The following TAF1B variants were observed in gnomAD, a reference collection of about 807,000 sequenced individuals.
The protein encoded by TAF1B is TATA-box binding protein associated factor, RNA polymerase I subunit B.
A neutral mutation model predicts 83.9 loss-of-function variants in TAF1B; 61 were observed. That is an observed-to-expected ratio of 0.73 (90% CI 0.59 to 0.90). TAF1B has a LOEUF of 0.90. Among genes scored for constraint, TAF1B ranks in the 40% least tolerant of loss-of-function variants. TAF1B has a pLI of 0.00. For synonymous variants in TAF1B, 221 were observed against 224.6 expected (o/e 0.98, Z 0.14); for missense variants, 625 against 677.0 (o/e 0.92, Z 0.85).
intron 2 of TAF1B, among the ~76,000 whole-genome samples, chr2:9,848,366 A>G (rs1192768852): frequency 6.6e-6 from 1 of 152,178 alleles, no homozygotes; most frequent in East Asian, 1.9e-4. Flanking sequence ...TTCTTCTGGC[A>G]TTAAGACTCA....
intron 8 of TAF1B, among the ~76,000 whole-genome samples, chr2:9,894,431 A>G (rs1034083652): frequency 6.6e-5 from 10 of 152,200 alleles, no homozygotes; most frequent in Admixed American, 1.3e-4. Context: ...TATAAAGGAT[A>G]TAACTTCTGC....
chr2:9,923,679 CA>C (rs34590203), intron 14 of TAF1B, among the ~76,000 whole-genome samples: 76,847 of 147,762 alleles, frequency 0.52, 22,390 homozygotes, highest in Non-Finnish European at 0.68. Flanking sequence ...AACTCTGTCT[CA>C]AAAAAAAAAA....
chr2:9,864,252 A>G (rs1413102060), intron 5 of TAF1B, among the ~76,000 whole-genome samples: 1 of 150,540 alleles, frequency 6.6e-6, no homozygotes, highest in African/African-American at 2.4e-5. Context: ...GCAATAAAAA[A>G]TGATAAAGGG....
chr2:9,913,293 T>A, intron 12 of TAF1B, 44 bp downstream of exon 12: 2 of 1,468,370 alleles, frequency 1.4e-6, no homozygotes, highest in Non-Finnish European at 1.9e-6. Context: ...CTTACTTCTG[T>A]GTCTGTTACT....
chr2:9,854,436 TG>T lies in TAF1B; in HGVS notation c.399+16del. On this transcript the variant is annotated intron_variant, in intron 5 of 14. Transcript: ENST00000263663. ...GGAAACCTACGGTAAGTCACAAGTC[TG>T]AAAAGTTGGATTAAAAAACATGTCT... The T allele has an allele frequency of 3.1e-6, 5 of 1,594,364 alleles. No individual in the cohort carries two copies. Among genetic ancestry groups the T allele is most frequent in the Non-Finnish European group, 4.3e-6 (5 of 1,162,250 alleles).
At chr2:9,905,190 A>G (rs1665304853) in intron 9 of TAF1B, among the ~76,000 whole-genome samples, 184 bp downstream of exon 9, 1 of 152,244 alleles carries the variant, frequency 6.6e-6, no homozygotes, top group Non-Finnish European at 1.5e-5. Context: ...AAGGGACAAT[A>G]TTCAGAAATA....
chr2:9,887,143 C>G (rs1263823338), intron 8 of TAF1B, among the ~76,000 whole-genome samples: 1 of 152,116 alleles, frequency 6.6e-6, no homozygotes, highest in African/African-American at 2.4e-5. Context: ...GCATTTATTT[C>G]TGACGGCAAT....
intron 7 of TAF1B, among the ~76,000 whole-genome samples, chr2:9,878,571 A>G (rs1032768762): frequency 6.6e-6 from 1 of 152,166 alleles, no homozygotes; most frequent in African/African-American, 2.4e-5. Context: ...GGATAAATTC[A>G]TTACCCTGCA....
At chr2:9,861,600 G>C (rs1663762111) in intron 5 of TAF1B, among the ~76,000 whole-genome samples, 1 of 152,210 alleles carries the variant, frequency 6.6e-6, no homozygotes, top group Non-Finnish European at 1.5e-5. Context: ...AGAGAGCAGT[G>C]GTTCTCCCAC....
At chr2:9,910,074 A>G (rs972751621) in intron 9 of TAF1B, among the ~76,000 whole-genome samples, 3 of 152,108 alleles carry the variant, frequency 2.0e-5, no homozygotes, top group African/African-American at 7.2e-5. Flanking sequence ...AAGTACAGAA[A>G]TTTTTTGTTT....
intron 14 of TAF1B, among the ~76,000 whole-genome samples, chr2:9,925,641 A>T (rs2125183479): frequency 6.7e-6 from 1 of 150,048 alleles, no homozygotes. Flanking sequence ...GAGTGCAGTG[A>T]CACAATCTTG....
At chr2:9,876,491 A>G (rs926357322) in intron 7 of TAF1B, among the ~76,000 whole-genome samples, 17 of 152,350 alleles carry the variant, frequency 1.1e-4, no homozygotes, top group Admixed American at 2.6e-4. Context: ...TTATCCAGAT[A>G]GTAAGCGTTT....
chr2:9,897,962 T>C (rs1048996314), intron 8 of TAF1B, among the ~76,000 whole-genome samples: 1 of 152,124 alleles, frequency 6.6e-6, no homozygotes, highest in African/African-American at 2.4e-5. Flanking sequence ...CTTGTGTTCC[T>C]GGCCCACTTC....
chr2:9,866,909 G>A (rs886983360), intron 5 of TAF1B, among the ~76,000 whole-genome samples: 44 of 152,166 alleles, frequency 2.9e-4, no homozygotes, highest in African/African-American at 1.1e-3. Context: ...ACACAGGAAG[G>A]GGAACATCCC....
At chr2:9,853,036 G>A (rs927631549) in intron 4 of TAF1B, among the ~76,000 whole-genome samples, 2 of 152,184 alleles carry the variant, frequency 1.3e-5, no homozygotes, top group Non-Finnish European at 2.9e-5. Flanking sequence ...CATTGCATTA[G>A]GTATGATAGC....
intron 5 of TAF1B, among the ~76,000 whole-genome samples, chr2:9,863,737 A>G (rs1347009560): frequency 6.6e-6 from 1 of 152,234 alleles, no homozygotes; most frequent in African/African-American, 2.4e-5. Context: ...CAGAAATTAT[A>G]ACAAACTGTC....
At chr2:9,888,559 T>C (rs2125158968) in intron 8 of TAF1B, among the ~76,000 whole-genome samples, 1 of 152,216 alleles carries the variant, frequency 6.6e-6, no homozygotes, top group Admixed American at 6.5e-5. Flanking sequence ...TCAGTAGGTA[T>C]AGAATTCTAG....
intron 8 of TAF1B, among the ~76,000 whole-genome samples, chr2:9,890,517 A>G (rs1046146870): frequency 2.2e-4 from 33 of 152,082 alleles, no homozygotes; most frequent in Admixed American, 2.2e-3. Flanking sequence ...GTTCATGAAT[A>G]TTGTCACTAA....
chr2:9,855,392 T>C (rs1268675548), intron 5 of TAF1B, among the ~76,000 whole-genome samples: 1 of 152,066 alleles, frequency 6.6e-6, no homozygotes, highest in East Asian at 1.9e-4. Context: ...AAGTTGAAAA[T>C]GCAGGCTGAG....
Sources: allele counts gnomAD v4.1 joint callset (sites outside exome capture counted in the v4.1 genomes callset), GRCh38; gene constraint gnomAD v4.1.1; transcripts MANE v1.5; gene names NCBI Gene and HGNC (gene_info 2026-07-23, HGNC 2026-07-21).